SP110: variants seen among roughly 807,000 people sequenced by gnomAD.
SP110 encodes the protein SP110 nuclear body protein, also known as interferon-induced protein 41, 30kD.
In SP110, 62 loss-of-function variants were observed where a neutral mutation model predicts 92.7. The ratio of observed to expected loss-of-function variants is 0.67; its 90% CI spans 0.55 to 0.83. The LOEUF is 0.83. Ranked by LOEUF, SP110 falls within the 40% of genes least tolerant of loss-of-function variation. The pLI is 0.00. For synonymous variants in SP110, 273 were observed against 305.3 expected (o/e 0.89, Z 1.10); for missense variants, 793 against 863.9 (o/e 0.92, Z 1.03).
At chr2:230,174,131 A>G (rs2041744076) in intron 14 of SP110, 1 of 152,208 alleles carries the variant, frequency 6.6e-6, no homozygotes, top group African/African-American at 2.4e-5. Flanking sequence ...TTAAACTAAA[A>G]CAAAAAAGTA....
chr2:230,172,609 T>G, intron 15 of SP110: 1 of 558,410 alleles, frequency 1.8e-6, no homozygotes, highest in South Asian at 2.0e-5. Context: ...CCCTCCTCCT[T>G]TTGGACAGGA....
intron 10 of SP110, among the ~76,000 whole-genome samples, chr2:230,187,829 C>T (rs1248497437): frequency 2.6e-5 from 4 of 152,174 alleles, no homozygotes; most frequent in African/African-American, 9.7e-5. Flanking sequence ...TCTGAGTTCT[C>T]TATTCTGTTC....
chr2:230,215,650 C>T (rs771129603), intron 2 of SP110, among the ~76,000 whole-genome samples: 124 of 152,236 alleles, frequency 8.1e-4, no homozygotes, highest in Admixed American at 9.2e-4. Context: ...AGGAGAAATA[C>T]GGCAAGAGAG....
rs988190494 is a variant in SP110 at position 230,166,707 on chromosome 2, G to A, written c.*2417C>T. ...TTGTACCTGGGGATTGAGCAAGTGAGTAAATAATACTGTTGGAGAAGGGAG... is the reference window on the plus strand; with the variant it reads ...TTGTACCTGGGGATTGAGCAAGTGAATAAATAATACTGTTGGAGAAGGGAG... On this transcript the variant is annotated 3_prime_UTR_variant, in exon 19 of 19. Coordinates refer to ENST00000258381, the MANE Select transcript of SP110 (RefSeq NM_080424.4). Among the ~76,000 whole-genome samples the A allele has an allele frequency of 1.3e-5, 2 of 152,208 alleles. No homozygotes were observed. The highest frequency in any genetic ancestry group is 4.8e-5 in the African/African-American group (2 of 41,446).
At position 230,196,434 on chromosome 2, in the gene SP110, T is replaced by C. The variant is rs143705986; in HGVS notation, c.1129+4451A>G. On this transcript the variant is annotated intron_variant, in intron 10 of 18. Coordinates refer to ENST00000258381, the MANE Select transcript of SP110 (RefSeq NM_080424.4). Reference sequence around the variant, plus strand: ...GTGATTTATAGAATAGACTATATAGTATGAGCTTATATATAAAAAGAAAAA... The same window carrying C: ...GTGATTTATAGAATAGACTATATAGCATGAGCTTATATATAAAAAGAAAAA... Among the ~76,000 whole-genome samples, 74 of 152,178 alleles carry C rather than the reference T, an allele frequency of 4.9e-4. 1 individual carries two copies. The East Asian group carries it at 0.012, about 24-fold the overall frequency.
chr2:230,214,836 AC>A (rs1453031526), intron 3 of SP110, 113 bp downstream of exon 3: 3 of 863,408 alleles, frequency 3.5e-6, no homozygotes, highest in Non-Finnish European at 5.8e-6. Context: ...GGTCCATTCC[AC>A]CCCAGAGAGA....
Position 230,168,936 on chromosome 2 carries a change from T to G in SP110, c.*188A>C. ...GTATTAATTTTTTTTTTTTTTAGTG[T>G]AGATATAGACTTTTAAAGGTAAAAA... On this transcript the variant is annotated 3_prime_UTR_variant, in exon 19 of 19. Transcript: ENST00000258381. 5.4e-6 allele frequency: 3 copies of G among 551,878 alleles called. No homozygotes were observed. Among genetic ancestry groups the G allele is most frequent in the Non-Finnish European group, 9.7e-6 (3 of 308,104 alleles). The allele number at this position is 551,878 out of a possible 1,614,324, so 34.2% of individuals were successfully genotyped here.
chr2:230,185,518 A>G (rs1313499964), intron 11 of SP110, among the ~76,000 whole-genome samples: 1 of 151,522 alleles, frequency 6.6e-6, no homozygotes, highest in Non-Finnish European at 1.5e-5. Flanking sequence ...TGTATGATGT[A>G]ATGGGAGTAT....
chr2:230,175,519 G>A (rs1379196777), intron 14 of SP110, among the ~76,000 whole-genome samples: 1 of 152,178 alleles, frequency 6.6e-6, no homozygotes, highest in African/African-American at 2.4e-5. Context: ...GACCAGCATG[G>A]GAAAGATGAT....
chr2:230,172,206 C>T, intron 15 of SP110, 32 bp from the exon 16 acceptor site: 1 of 1,363,028 alleles, frequency 7.3e-7, no homozygotes. Context: ...GAGCAGAGGG[C>T]AAAGCCCCTG....
chr2:230,192,245 C>T (rs2042668679), intron 10 of SP110, among the ~76,000 whole-genome samples: 1 of 152,218 alleles, frequency 6.6e-6, no homozygotes, highest in Non-Finnish European at 1.5e-5. Flanking sequence ...TGCCCTCTCT[C>T]ACCATTCCTA....
intron 14 of SP110, chr2:230,176,823 A>G: frequency 4.8e-6 from 6 of 1,238,382 alleles, no homozygotes; most frequent in South Asian, 1.2e-5. Context: ...GTACCCAGAC[A>G]TCACACTGGA....
Position 230,200,896 on chromosome 2 carries a change from C to T in SP110, c.1118G>A (p.Arg373Lys). 1 of 1,612,670 alleles carries T rather than the reference C, an allele frequency of 6.2e-7. No homozygotes were observed. The highest frequency in any genetic ancestry group is 8.5e-7 in the Non-Finnish European group (1 of 1,178,694). ...TCTCCAAGTTTTACCTTGTGTGACC[C>T]TTCGTGGTGTACTAGGCGTCTTCTG... The part of the protein sequence containing the change: ...RSQKTPSTPR[R>K]VTQGAASPGH... Residue 373 changes from arginine to lysine, a missense_variant, in exon 10 of 19, where the codon AGG becomes AAG. By Grantham distance (26) the Arg-to-Lys change is conservative (BLOSUM62 2). Transcript: ENST00000258381.
At chr2:230,172,304 C>A in intron 15 of SP110, 130 bp from the exon 16 acceptor site, 1 of 740,444 alleles carries the variant, frequency 1.4e-6, no homozygotes, top group Non-Finnish European at 2.5e-6. Context: ...CCAGAGTGTC[C>A]AAGATCCCCA....
chr2:230,171,829 G>C, intron 16 of SP110, 62 bp from the exon 17 acceptor site: 1 of 1,310,352 alleles, frequency 7.6e-7, no homozygotes. Flanking sequence ...AGCCAGGCGA[G>C]TGTCTAGACA....
chr2:230,208,551 G>A (rs1398627118), intron 7 of SP110, among the ~76,000 whole-genome samples: 1 of 152,160 alleles, frequency 6.6e-6, no homozygotes, highest in Non-Finnish European at 1.5e-5. Flanking sequence ...GCACAAATAA[G>A]GGGATTCTCA....
chr2:230,215,807 C>T (rs978085323), intron 2 of SP110, among the ~76,000 whole-genome samples: 48 of 152,310 alleles, frequency 3.2e-4, no homozygotes, highest in Admixed American at 5.2e-4. Context: ...CATTAATAAA[C>T]ACAAATAAAT....
chr2:230,196,344 C>T (rs1047207274), intron 10 of SP110, among the ~76,000 whole-genome samples: 21 of 151,832 alleles, frequency 1.4e-4, no homozygotes, highest in Non-Finnish European at 2.8e-4. Flanking sequence ...GTGAATCATA[C>T]GTAACGTGCC....
chr2:230,204,542 C>A (rs2043546109), intron 8 of SP110, among the ~76,000 whole-genome samples: 1 of 152,038 alleles, frequency 6.6e-6, no homozygotes. Flanking sequence ...ATAATGAATT[C>A]ATAAACTATC....
Sources: gnomAD v4.1 joint callset for allele counts (sites outside exome capture counted in the v4.1 genomes callset) on GRCh38, gnomAD v4.1.1 for gene constraint, MANE v1.5 for transcripts, NCBI Gene and HGNC (gene_info 2026-07-23, HGNC 2026-07-21) for gene names.